INSR: variants seen among roughly 807,000 people sequenced by gnomAD.
The protein encoded by INSR is IR.
A neutral mutation model predicts 142.6 loss-of-function variants in INSR; 67 were observed. That is an observed-to-expected ratio of 0.47 (90% CI 0.39 to 0.58). The LOEUF (loss-of-function observed/expected upper bound fraction) is 0.58. Among genes scored for constraint, INSR ranks in the 20% least tolerant of loss-of-function variants. The pLI is 0.00. For missense variants in INSR, 1,248 were observed against 1,833.2 expected, an observed-to-expected ratio of 0.68 and a Z score of 5.83; for synonymous variants, 756 against 743.1, an observed-to-expected ratio of 1.02 and a Z score of -0.28.
At chr19:7,259,909 T>TG (rs918280355) in intron 2 of INSR, among the ~76,000 whole-genome samples, 13 of 151,228 alleles carry the variant, frequency 8.6e-5, no homozygotes, top group Non-Finnish European at 1.9e-4. Context: ...GAGGCTGAGG[T>TG]GGGGGGATTC....
At chr19:7,162,918 G>A in intron 9 of INSR, 114 bp downstream of exon 9, 1 of 882,754 alleles carries the variant, frequency 1.1e-6, no homozygotes, top group Non-Finnish European at 1.9e-6. Flanking sequence ...GTGTGTGTGT[G>A]CCTTCCGACA....
At chr19:7,197,940 TGTGTGTGTCCCCATGGTGGGA>T (rs1277816775) in intron 2 of INSR, among the ~76,000 whole-genome samples, 2 of 138,514 alleles carry the variant, frequency 1.4e-5, no homozygotes, top group Non-Finnish European at 3.0e-5. Flanking sequence ...TGTGTGTGTG[TGTGTGTGTCCCCATGGTGGGA>T]GTGTGTGTGT....
In INSR at chr19:7,156,602, G is replaced by A. The variant is rs147446760; in HGVS notation, c.2030-3675C>T. On this transcript the variant is annotated intron_variant, in intron 9 of 21. Coordinates refer to ENST00000302850, the MANE Select transcript of INSR (RefSeq NM_000208.4). ...GTCCCACCCCAGAGAATGATCCAAC[G>A]CCAGACAGAAAAAACACCAAGACAG... Among the ~76,000 whole-genome samples the A allele has an allele frequency of 9.4e-4, 143 of 152,138 alleles. 1 individual carries two copies. In the East Asian group the frequency reaches 0.011, roughly 12 times the overall value.
chr19:7,216,514 G>A lies in INSR; in HGVS notation c.653-31877C>T, dbSNP rs1323713597. Among the ~76,000 whole-genome samples, 10 of 152,188 alleles carry A rather than the reference G, an allele frequency of 6.6e-5. No individual in the cohort carries two copies. Among genetic ancestry groups the A allele is most frequent in the Admixed American group, 5.2e-4 (8 of 15,272 alleles). On this transcript the variant is annotated intron_variant, in intron 2 of 21. Transcript: ENST00000302850. The surrounding 1 kb of genome is among the most constrained non-coding windows in gnomAD (Gnocchi z 4.2). The stretch of plus-strand genomic sequence containing the variant: ...CATCCAGAGGGTAACAGGGAACCAC[G>A]GGGGATGTCCCCGGGCTCTGGGTTC...
At position 7,174,728 on chromosome 19, in the gene INSR, C is replaced by G. The variant is rs1974097052; in HGVS notation, c.978G>C (p.Leu326Phe). The G allele has an allele frequency of 6.2e-7, 1 of 1,610,876 alleles. No homozygotes were observed. The highest frequency in any genetic ancestry group is 2.2e-5 in the East Asian group (1 of 44,708). ...PSGYTMNSSNLLCTPCLGPCP... is the reference protein window; with the variant it reads ...PSGYTMNSSNFLCTPCLGPCP... The stretch of plus-strand genomic sequence containing the variant: ...AGGGACCCAGGCATGGGGTGCACAG[C>G]AAGCTAAGGACGGAGCAGAGAGAGA... The change falls in exon 4 of 22, where the codon TTG becomes TTC. Residue 326 changes from leucine (L) to phenylalanine (F), a missense_variant. Transcript: ENST00000302850.
intron 21 of INSR, among the ~76,000 whole-genome samples, chr19:7,118,316 G>T (rs1229785371): frequency 4.0e-5 from 6 of 151,666 alleles, no homozygotes; most frequent in Non-Finnish European, 8.8e-5. Flanking sequence ...CAAAATTTTT[G>T]TGTGTCTGTG....
Position 7,216,885 on chromosome 19 carries a change from C to CA in INSR, c.653-32249dup, listed in dbSNP as rs571046799. ...GGAGTGCAATGGTGCAATCATGGCT[C>CA]ACTGCAGCCTCGAACTCCTGGGCTC... On this transcript the variant is annotated intron_variant, in intron 2 of 21. Transcript: ENST00000302850. The surrounding 1 kb of genome is among the most constrained non-coding windows in gnomAD (Gnocchi z 4.2). Among the ~76,000 whole-genome samples the CA allele has an allele frequency of 2.6e-3, 402 of 152,234 alleles. 4 individuals are homozygous for CA. The highest frequency in any genetic ancestry group is 9.1e-3 in the African/African-American group (379 of 41,508).
At chr19:7,157,995 T>C (rs1392406532) in intron 9 of INSR, among the ~76,000 whole-genome samples, 1 of 151,184 alleles carries the variant, frequency 6.6e-6, no homozygotes, top group Admixed American at 6.6e-5. Flanking sequence ...AGTTACAGCA[T>C]TACAGATGGA....
intron 2 of INSR, among the ~76,000 whole-genome samples, chr19:7,195,368 T>C (rs62111419): frequency 0.11 from 17,183 of 152,110 alleles, 1,106 homozygotes; most frequent in African/African-American, 0.17. Flanking sequence ...GTTGGCCAGG[T>C]GTGGTGGCTA....
intron 1 of INSR, among the ~76,000 whole-genome samples, chr19:7,292,970 G>C (rs1968536656): frequency 6.6e-6 from 1 of 152,126 alleles, no homozygotes. Context: ...AGAGGCTCAA[G>C]TCCTGGCTCT....
chr19:7,153,345 C>CAACACACA (rs1568449903), intron 9 of INSR, among the ~76,000 whole-genome samples: 4 of 3,402 alleles, frequency 1.2e-3, no homozygotes, highest in Non-Finnish European at 3.0e-3. Context: ...CGCCACACAC[C>CAACACACA]ACAGACCACA....
chr19:7,175,010 T>C lies in INSR; in HGVS notation c.975-279A>G, dbSNP rs145337171. On this transcript the variant is annotated intron_variant, in intron 3 of 21. Transcript: ENST00000302850. ...GGTGCCCGCCACCGTGCCTGGCTAA[T>C]TTTTGTATTTTTGAGTAGAGACGGG... Among the ~76,000 whole-genome samples the C allele has an allele frequency of 0.036, 5,526 of 152,004 alleles. 342 individuals carry two copies. The highest frequency in any genetic ancestry group is 0.12 in the African/African-American group (5,169 of 41,408).
At chr19:7,263,814 A>G (rs184866555) in intron 2 of INSR, among the ~76,000 whole-genome samples, 3 of 152,212 alleles carry the variant, frequency 2.0e-5, no homozygotes, top group Admixed American at 2.0e-4. Context: ...GCTTGAGCTC[A>G]GAAATTTGAG....
intron 10 of INSR, among the ~76,000 whole-genome samples, chr19:7,151,162 C>CTTTCTCTCTTTCCTTT (rs1359040007): frequency 6.5e-5 from 3 of 45,850 alleles, no homozygotes; most frequent in African/African-American, 1.5e-4. Flanking sequence ...TTCTTTCTTT[C>CTTTCTCTCTTTCCTTT]TCTTTCTTTC....
At chr19:7,172,859 CCT>C (rs1974050317) in intron 4 of INSR, among the ~76,000 whole-genome samples, 1 of 138,976 alleles carries the variant, frequency 7.2e-6, no homozygotes, top group Non-Finnish European at 1.5e-5. Flanking sequence ...ATGGTGAAAC[CCT>C]GTCTCTACTA....
rs570519539 is a variant in INSR at position 7,201,667 on chromosome 19, C to CTTTTTTTT, written c.653-17038_653-17031dup. On this transcript the variant is annotated intron_variant, in intron 2 of 21. Coordinates refer to ENST00000302850, the MANE Select transcript of INSR (RefSeq NM_000208.4). ...TAAATAAATTACATCTATTTTCATT[C>CTTTTTTTT]TTTTTTTTTTTTTGAGTTGGAGTCT... is the stretch of plus-strand genomic sequence containing the variant. Among the ~76,000 whole-genome samples, 83 of 127,876 alleles carry CTTTTTTTT rather than the reference C, an allele frequency of 6.5e-4. 2 individuals carry two copies. Among genetic ancestry groups the CTTTTTTTT allele is most frequent in the African/African-American group, 1.3e-3 (43 of 32,200 alleles). 83.9% of individuals were successfully genotyped at this position (127,876 alleles called of 152,430 possible).
chr19:7,152,985 ACACACACACACCC>A, intron 9 of INSR, 58 bp from the exon 10 acceptor site: 3 of 792,448 alleles, frequency 3.8e-6, no homozygotes, highest in African/African-American at 1.9e-5. Flanking sequence ...ACACATACAC[ACACACACACACCC>A]CACACACACA....
chr19:7,174,656 C>T lies in INSR; in HGVS notation c.1050G>A (p.Ser350=), dbSNP rs751541632. ...HLLEGEKTID[S]VTSAQELRGC... ...CTCGGAGCTCCTGGGCAGACGTCACCGAGTCGATGGTCTTCTCGCCTTCTA... is the reference window on the plus strand; with the variant it reads ...CTCGGAGCTCCTGGGCAGACGTCACTGAGTCGATGGTCTTCTCGCCTTCTA... Residue 350 remains serine, a synonymous_variant, in exon 4 of 22, where the codon TCG becomes TCA. Coordinates refer to ENST00000302850, the MANE Select transcript of INSR (RefSeq NM_000208.4). 14 of 1,613,924 alleles carry T rather than the reference C, an allele frequency of 8.7e-6. No individual in the cohort carries two copies. Among genetic ancestry groups the T allele is most frequent in the South Asian group, 7.7e-5 (7 of 91,062 alleles).
intron 2 of INSR, among the ~76,000 whole-genome samples, chr19:7,224,633 T>C (rs1048546742): frequency 6.6e-6 from 1 of 152,172 alleles, no homozygotes; most frequent in African/African-American, 2.4e-5. Context: ...CGGAGGGCGA[T>C]GGTCCAGGCA....
Sources: gnomAD v4.1 joint callset for allele counts (sites outside exome capture counted in the v4.1 genomes callset) on GRCh38, gnomAD v4.1.1 for gene constraint, Gnocchi (gnomAD v3.1) non-coding constraint, MANE v1.5 for transcripts, NCBI Gene and HGNC (gene_info 2026-07-23, HGNC 2026-07-21) for gene names.